Variants in DGLUCY observed in about 807,000 individuals in gnomAD.
DGLUCY encodes the protein D-glutamate cyclase, also known as D-glutamate cyclase, mitochondrial.
Under a neutral mutation model 58.5 loss-of-function variants are expected in DGLUCY, and 58 were observed. The observed-to-expected ratio is 0.99, with a 90% CI of 0.80 to 1.23. The LOEUF is 1.23. Ranked by LOEUF, DGLUCY falls within the 50% of genes most tolerant of loss-of-function variation. The probability of loss-of-function intolerance (pLI) is 0.00; values close to 1 mark genes in which losing one functional copy is unlikely to be tolerated. For synonymous variants in DGLUCY, 325 were observed against 314.1 expected, an observed-to-expected ratio of 1.03 and a Z score of -0.37; for missense variants, 779 against 784.7, an observed-to-expected ratio of 0.99 and a Z score of 0.09.
At chr14:91,163,683 C>T (rs372692671) in intron 3 of DGLUCY, among the ~76,000 whole-genome samples, 15 of 152,148 alleles carry the variant, frequency 9.9e-5, no homozygotes, top group African/African-American at 2.2e-4. Context: ...GAGGCAAGCT[C>T]GCGGGCACCC....
chr14:91,137,162 A>G (rs2046388367), intron 1 of DGLUCY, among the ~76,000 whole-genome samples: 1 of 150,328 alleles, frequency 6.7e-6, no homozygotes, highest in African/African-American at 2.5e-5. Flanking sequence ...CCGTAGAGAC[A>G]TGGTCTCCCT....
chr14:91,172,802 A>G (rs1384246390), intron 5 of DGLUCY, among the ~76,000 whole-genome samples: 2 of 152,104 alleles, frequency 1.3e-5, no homozygotes, highest in Non-Finnish European at 2.9e-5. Context: ...GCGTGCCACC[A>G]TGCCCGGCGA....
intron 4 of DGLUCY, chr14:91,167,734 G>A (rs185683606): frequency 1.3e-5 from 9 of 687,970 alleles, no homozygotes; most frequent in Admixed American, 1.1e-4. Flanking sequence ...CCCAGAGACA[G>A]AGATATTGTG....
chr14:91,104,061 C>CTTTTTTTTTTT (rs1293827774), upstream of DGLUCY, among the ~76,000 whole-genome samples: 28 of 9,508 alleles, frequency 2.9e-3, no homozygotes, highest in African/African-American at 8.3e-3. Flanking sequence ...TGAAAACATT[C>CTTTTTTTTTTT]TTTTTTTTTT....
intron 1 of DGLUCY, among the ~76,000 whole-genome samples, chr14:91,125,212 G>T (rs1331672879): frequency 6.6e-6 from 1 of 152,154 alleles, no homozygotes; most frequent in Admixed American, 6.5e-5. Flanking sequence ...TACCCTTTCT[G>T]CAGAAAGTGT....
chr14:91,095,877 A>G (rs2044387432), intron 1 of DGLUCY, among the ~76,000 whole-genome samples: 3 of 151,794 alleles, frequency 2.0e-5, no homozygotes, highest in Non-Finnish European at 4.4e-5. Context: ...TCCAAAGCTC[A>G]CATCTTCAGT....
At chr14:91,121,309 C>T (rs1264413834) in intron 1 of DGLUCY, among the ~76,000 whole-genome samples, 1 of 152,170 alleles carries the variant, frequency 6.6e-6, no homozygotes, top group Non-Finnish European at 1.5e-5. Context: ...TCCTACTCCA[C>T]CTCCAATCAT....
intron 6 of DGLUCY, chr14:91,173,784 C>A: frequency 5.2e-6 from 1 of 193,714 alleles, no homozygotes; most frequent in Non-Finnish European, 1.1e-5. Context: ...GCCAGTCTCA[C>A]TGTGATGTAA....
chr14:91,101,798 G>A lies in DGLUCY; in HGVS notation c.-82+41094G>A, dbSNP rs573207460. On this transcript the variant is annotated intron_variant, in intron 1 of 4. Transcript: ENST00000521334. ...ATCACAGTTCACTGCAGCTTCAAGCGATCCTCCCATTTCAGCCTCTCAAGT... is the reference window on the plus strand; with the variant it reads ...ATCACAGTTCACTGCAGCTTCAAGCAATCCTCCCATTTCAGCCTCTCAAGT... Among the ~76,000 whole-genome samples, 6 of 152,294 alleles carry A rather than the reference G, an allele frequency of 3.9e-5. No individual in the cohort carries two copies. In the South Asian group the frequency reaches 8.3e-4, roughly 21 times the overall value.
At chr14:91,108,538 A>AGAGAGAGAGAGAGAGG (rs2044638614) in intron 1 of DGLUCY, among the ~76,000 whole-genome samples, 1 of 145,798 alleles carries the variant, frequency 6.9e-6, no homozygotes, top group Non-Finnish European at 1.5e-5. Context: ...AGAGAGAGAG[A>AGAGAGAGAGAGAGAGG]GAGAGAGAGA....
intron 12 of DGLUCY, among the ~76,000 whole-genome samples, chr14:91,205,397 G>A (rs755161105): frequency 1.2e-4 from 19 of 152,178 alleles, no homozygotes; most frequent in Middle Eastern, 3.4e-3. Context: ...GTCCAGGTCC[G>A]TCTAGGTGTG....
In DGLUCY at chr14:91,188,965, C is replaced by T. The variant is rs1341397163; in HGVS notation, c.990C>T (p.Leu330=). The change falls in exon 9 of 14, where the codon CTC becomes CTT. Residue 330 remains leucine (L), a synonymous_variant. Coordinates refer to ENST00000256324, the MANE Select transcript of DGLUCY (RefSeq NM_001102368.3). The part of the protein sequence containing the change: ...LCKDELLKAS[L]SLSHARSVLI... ...AAGATGAGCTGCTGAAGGCCTCTCT[C>T]TCGCTGTCCCATGCCCGCTCAGTGC... 1.2e-6 allele frequency: 2 copies of T among 1,614,240 alleles called. No individual in the cohort carries two copies. The highest frequency in any genetic ancestry group is 2.7e-5 in the African/African-American group (2 of 75,072).
upstream of DGLUCY, among the ~76,000 whole-genome samples, chr14:91,113,731 C>T (rs1444131008): frequency 6.6e-6 from 1 of 152,200 alleles, no homozygotes; most frequent in Non-Finnish European, 1.5e-5. Flanking sequence ...CCTGCACTTT[C>T]ACAGGATCCC....
chr14:91,133,807 T>C (rs948862498), intron 1 of DGLUCY, among the ~76,000 whole-genome samples: 4 of 152,190 alleles, frequency 2.6e-5, no homozygotes, highest in African/African-American at 9.7e-5. Context: ...ATACTTCTTT[T>C]CTAATTTTGC....
intron 3 of DGLUCY, among the ~76,000 whole-genome samples, chr14:91,164,462 T>C (rs184722727): frequency 1.7e-3 from 254 of 152,292 alleles, no homozygotes; most frequent in Middle Eastern, 3.4e-3. Context: ...TCTGGGCTTA[T>C]TTGTAGTCCT....
intron 9 of DGLUCY, among the ~76,000 whole-genome samples, chr14:91,193,724 C>T (rs1304506755): frequency 6.6e-6 from 1 of 151,992 alleles, no homozygotes; most frequent in Non-Finnish European, 1.5e-5. Flanking sequence ...CGCCTGTAGT[C>T]CTAGCTACTA....
chr14:91,060,594 G>C (rs1412055527), exon 1 of DGLUCY: 3 of 1,007,162 alleles, frequency 3.0e-6, no homozygotes, highest in East Asian at 3.3e-5. Flanking sequence ...CTGGCCGCAC[G>C]GCTCGCTCCT....
At chr14:91,068,484 C>G (rs942272309) in intron 1 of DGLUCY, among the ~76,000 whole-genome samples, 3 of 152,150 alleles carry the variant, frequency 2.0e-5, no homozygotes, top group African/African-American at 7.2e-5. Context: ...GCCTGACCAA[C>G]ATGGAGAAAT....
intron 1 of DGLUCY, among the ~76,000 whole-genome samples, chr14:91,093,495 A>G (rs959193512): frequency 1.3e-5 from 2 of 152,192 alleles, no homozygotes; most frequent in Non-Finnish European, 2.9e-5. Context: ...TCAAAACATT[A>G]TGCTACCTGG....
Sources: gnomAD v4.1 joint callset for allele counts (sites outside exome capture counted in the v4.1 genomes callset) on GRCh38, gnomAD v4.1.1 for gene constraint, MANE v1.5 for transcripts, NCBI Gene and HGNC (gene_info 2026-07-23, HGNC 2026-07-21) for gene names.